The following MTCL2 variants were observed in gnomAD, a reference collection of about 807,000 sequenced individuals.
MTCL2 encodes the protein microtubule cross-linking factor 2.
the MTCL2 span, among the ~76,000 whole-genome samples, chr20:36,802,650 T>C: frequency 0.028 from 4,314 of 152,316 alleles, 252 homozygotes; most frequent in African/African-American, 0.099. Context: ...AAAGCAGGCC[T>C]GACAGGCTGA....
chr20:36,838,538 G>T, the MTCL2 span, among the ~76,000 whole-genome samples: 1 of 152,126 alleles, frequency 6.6e-6, no homozygotes, highest in Non-Finnish European at 1.5e-5. Flanking sequence ...AGTGAGCTAT[G>T]ATCACATCAC....
the MTCL2 span, chr20:36,777,793 T>G: frequency 1.6e-6 from 1 of 610,394 alleles, no homozygotes; most frequent in South Asian, 2.0e-5. Context: ...TGGCGGGGGC[T>G]GGGGAGGGGC....
At chr20:36,860,595 T>C in the MTCL2 span, among the ~76,000 whole-genome samples, 1 of 152,276 alleles carries the variant, frequency 6.6e-6, no homozygotes, top group Non-Finnish European at 1.5e-5. Flanking sequence ...TGGGTGCACA[T>C]GGAAACATGT....
the MTCL2 span, among the ~76,000 whole-genome samples, chr20:36,827,245 G>A: frequency 6.6e-6 from 1 of 151,408 alleles, no homozygotes; most frequent in Non-Finnish European, 1.5e-5. Context: ...TAGACATGGG[G>A]TTTCGCCATG....
chr20:36,862,614 G>T, the MTCL2 span: 2 of 1,457,624 alleles, frequency 1.4e-6, no homozygotes, highest in Non-Finnish European at 1.8e-6. Flanking sequence ...GACTGTGACA[G>T]CCGGCGACCC....
chr20:36,807,242 AG>A, the MTCL2 span, among the ~76,000 whole-genome samples: 2 of 152,248 alleles, frequency 1.3e-5, no homozygotes, highest in African/African-American at 4.8e-5. Flanking sequence ...AGGGTGATGC[AG>A]GGTCTTGCTA....
At chr20:36,812,606 T>C in the MTCL2 span, 1 of 1,498,648 alleles carries the variant, frequency 6.7e-7, no homozygotes, top group Non-Finnish European at 9.0e-7. Flanking sequence ...CAAACCCATA[T>C]CCTCACCAGC....
the MTCL2 span, among the ~76,000 whole-genome samples, chr20:36,786,798 C>G: frequency 1.2e-4 from 18 of 152,102 alleles, no homozygotes; most frequent in African/African-American, 4.1e-4. Flanking sequence ...TTCTGTTGTT[C>G]TTCTCCCATT....
chr20:36,805,807 A>C, the MTCL2 span: 1 of 1,486,386 alleles, frequency 6.7e-7, no homozygotes, highest in Non-Finnish European at 9.1e-7. Flanking sequence ...GAGCAGACAA[A>C]GGAATGAATG....
At chr20:36,779,251 A>C in the MTCL2 span, 1 of 152,766 alleles carries the variant, frequency 6.5e-6, no homozygotes, top group African/African-American at 2.4e-5. Context: ...AGATTCTGCC[A>C]GGACAAGCAG....
the MTCL2 span, chr20:36,785,601 C>G: frequency 1.0e-6 from 1 of 985,372 alleles, no homozygotes; most frequent in Non-Finnish European, 1.2e-6. Context: ...TGCCTGCTGC[C>G]TCTCAGGGTG....
At chr20:36,810,717 C>CCTCTCTCTCT in the MTCL2 span, among the ~76,000 whole-genome samples, 5,813 of 94,040 alleles carry the variant, frequency 0.062, 449 homozygotes, top group African/African-American at 0.081. Flanking sequence ...TCTCTCTCTC[C>CCTCTCTCTCT]CTCTCTCTCT....
the MTCL2 span, among the ~76,000 whole-genome samples, chr20:36,811,545 G>A: frequency 6.6e-6 from 1 of 151,528 alleles, no homozygotes; most frequent in Non-Finnish European, 1.5e-5. Flanking sequence ...CTCGAGATTC[G>A]CTTGAACTCA....
chr20:36,843,781 A>G, the MTCL2 span, among the ~76,000 whole-genome samples: 1 of 152,246 alleles, frequency 6.6e-6, no homozygotes, highest in Non-Finnish European at 1.5e-5. Flanking sequence ...AGGTTGAACC[A>G]AGGGGAAATG....
chr20:36,827,358 T>G, the MTCL2 span, among the ~76,000 whole-genome samples: 2 of 108,396 alleles, frequency 1.8e-5, no homozygotes, highest in Non-Finnish European at 3.9e-5. Context: ...TGGACCCCCC[T>G]TTTTTTTTTT....
At chr20:36,861,809 C>T in the MTCL2 span, among the ~76,000 whole-genome samples, 1 of 152,368 alleles carries the variant, frequency 6.6e-6, no homozygotes, top group South Asian at 2.1e-4. Context: ...GCCCGGCTGG[C>T]ACCCAGTAGG....
At chr20:36,808,393 C>T in the MTCL2 span, 2 of 778,600 alleles carry the variant, frequency 2.6e-6, no homozygotes, top group Non-Finnish European at 2.0e-6. Flanking sequence ...AGGAAGGAAG[C>T]CTGCATGCTG....
chr20:36,786,625 C>A, the MTCL2 span: 2 of 1,550,098 alleles, frequency 1.3e-6, no homozygotes, highest in East Asian at 2.4e-5. Context: ...GTACTACAGT[C>A]ACAAACAGCG....
chr20:36,847,849 G>A, the MTCL2 span, among the ~76,000 whole-genome samples: 2 of 105,760 alleles, frequency 1.9e-5, no homozygotes, highest in Non-Finnish European at 3.7e-5. Context: ...GAGACAGTCT[G>A]ACTCAAAAAA....
Sources: gnomAD v4.1 joint callset for allele counts (sites outside exome capture counted in the v4.1 genomes callset) on GRCh38, gnomAD v4.1.1 for gene constraint, MANE v1.5 for transcripts, NCBI Gene and HGNC (gene_info 2026-07-23, HGNC 2026-07-21) for gene names.